RBMXL2: variants seen among roughly 807,000 people sequenced by gnomAD.
RBMXL2 encodes RBMX like 2.
RBMXL2 carries 2 observed loss-of-function variants against 1.0 expected under a neutral mutation model. The ratio of observed to expected loss-of-function variants is 2.05; its 90% CI spans 0.84 to 6.44. The LOEUF is 6.44. Ranked by LOEUF, RBMXL2 falls within the 30% of genes most tolerant of loss-of-function variation. The pLI, the probability that RBMXL2 is intolerant of heterozygous loss-of-function variation, is 0.05. For missense variants in RBMXL2, 658 were observed against 608.5 expected, an observed-to-expected ratio of 1.08 and a Z score of -0.85; for synonymous variants, 313 against 267.9, an observed-to-expected ratio of 1.17 and a Z score of -1.64.
Position 7,089,136 on chromosome 11 carries a change from C to G in RBMXL2, c.16C>G (p.Arg6Gly), listed in dbSNP as rs771361618. MVEADRPGKLFIGGLN... is the reference protein window; with the variant it reads MVEADGPGKLFIGGLN... ...ACCGGCAAACATGGTTGAAGCGGAT[C>G]GCCCGGGGAAGCTGTTCATTGGGGG... The change falls in exon 1 of 1, where the codon CGC (arginine) becomes GGC (glycine). Residue 6 changes from arginine to glycine, a missense_variant. By Grantham distance (125) the Arg-to-Gly change is moderately radical (BLOSUM62 -2). Transcript: ENST00000306904. The G allele has an allele frequency of 6.2e-7, 1 of 1,613,770 alleles. No individual in the cohort carries two copies. Among genetic ancestry groups the G allele is most frequent in the Non-Finnish European group, 8.5e-7 (1 of 1,179,910 alleles).
Position 7,090,822 on chromosome 11 carries a change from G to C in RBMXL2, c.*523G>C, listed in dbSNP as rs1174395650. 6 of 172,254 alleles carry C rather than the reference G, an allele frequency of 3.5e-5. No individual in the cohort carries two copies. Among genetic ancestry groups the C allele is most frequent in the Admixed American group, 1.2e-4 (2 of 16,308 alleles). 10.7% of individuals were successfully genotyped at this position (172,254 alleles called of 1,614,324 possible). On this transcript the variant is annotated 3_prime_UTR_variant, in exon 1 of 1. Transcript: ENST00000306904. Reference sequence around the variant, plus strand: ...ACAACCAGCAACAACAACAACAAAAGTGATTTAGATCAAATGTTTATGTAA... The same window carrying C: ...ACAACCAGCAACAACAACAACAAAACTGATTTAGATCAAATGTTTATGTAA...
Position 7,089,490 on chromosome 11 carries a change from CG to C in RBMXL2, c.374del (p.Gly125AlafsTer24). On this transcript the variant is annotated frameshift_variant, in exon 1 of 1. Transcript: ENST00000306904. LOFTEE classifies it low-confidence loss of function (END_TRUNC). ...GGGGPRRSPS[R>X]GGPDDDGGYT... ...CGGCGGCCCGCGGCGTTCCCCATCC[CG>C]GGGCGGGCCCGATGATGACGGCGGC... The C allele has an allele frequency of 8.1e-7, 1 of 1,239,484 alleles. No individual in the cohort carries two copies. The highest frequency in any genetic ancestry group is 1.0e-6 in the Non-Finnish European group (1 of 988,898). 76.8% of individuals were successfully genotyped at this position (1,239,484 alleles called of 1,614,324 possible). A position where few individuals can be genotyped will look rare whatever the true frequency, so the allele number is the denominator to read the frequency against.
Position 7,089,533 on chromosome 11 carries a change from A to G in RBMXL2, c.413A>G (p.Asp138Gly). 8.3e-7 allele frequency: 1 copy of G among 1,207,088 alleles called. No homozygotes were observed. Among genetic ancestry groups the G allele is most frequent in the Non-Finnish European group, 1.0e-6 (1 of 972,100 alleles). 74.8% of individuals were successfully genotyped at this position (1,207,088 alleles called of 1,614,324 possible). The change falls in exon 1 of 1, where the codon GAC (aspartate) becomes GGC (glycine). Residue 138 changes from aspartate to glycine, a missense_variant. Physicochemically the swap from Asp to Gly is moderately conservative, Grantham distance 94 (BLOSUM62 -1). Coordinates refer to ENST00000306904, the MANE Select transcript of RBMXL2 (RefSeq NM_014469.5). ...GACGGCGGCTACACGGCGGATTTCG[A>G]CCTGCGGCCCTCCAGGGCCCCGATG... is the stretch of plus-strand genomic sequence containing the variant. ...DDDGGYTADF[D>G]LRPSRAPMPM...
Position 7,090,953 on chromosome 11 carries a change from C to T in RBMXL2, c.*654C>T, listed in dbSNP as rs2119495896. 2 of 168,944 alleles carry T rather than the reference C, an allele frequency of 1.2e-5. No homozygotes were observed. Among genetic ancestry groups the T allele is most frequent in the Middle Eastern group, 6.7e-3 (2 of 298 alleles). 10.5% of individuals were successfully genotyped at this position (168,944 alleles called of 1,614,324 possible). A position where few individuals can be genotyped will look rare whatever the true frequency, so the allele number is the denominator to read the frequency against. On this transcript the variant is annotated 3_prime_UTR_variant, in exon 1 of 1. Transcript: ENST00000306904. ...GAATCTACAGGATCACCTGTCCCCT[C>T]ACTCCCAAAAGTACTATCTATGTTT...
Position 7,090,209 on chromosome 11 carries a change from T to C in RBMXL2, c.1089T>C (p.Asp363=). Residue 363 remains aspartate, a synonymous_variant, in exon 1 of 1, where the codon GAT becomes GAC. Coordinates refer to ENST00000306904, the MANE Select transcript of RBMXL2 (RefSeq NM_014469.5). ...AAAGGGGCTGCCCTCCCCAGCGTGA[T>C]TCTTACAGCCGGTCAGGCTGCAGGG... ...SMERGCPPQR[D]SYSRSGCRVP... 6.2e-7 allele frequency: 1 copy of C among 1,612,556 alleles called. No individual in the cohort carries two copies. Among genetic ancestry groups the C allele is most frequent in the Non-Finnish European group, 8.5e-7 (1 of 1,179,488 alleles).
rs2119492562 is a variant in RBMXL2 at position 7,090,036 on chromosome 11, G to A, written c.916G>A (p.Gly306Ser). ...GACACCGCCATCTTACGGAGGAGGA[G>A]GCCGCTACGAGGAGTACCGGGGCTA... is the stretch of plus-strand genomic sequence containing the variant. ...RGTPPSYGGG[G>S]RYEEYRGYSP... The change falls in exon 1 of 1, where the codon GGC becomes AGC. Residue 306 changes from glycine (G) to serine (S), a missense_variant. Transcript: ENST00000306904. The A allele has an allele frequency of 6.2e-7, 1 of 1,613,194 alleles. No homozygotes were observed. The highest frequency in any genetic ancestry group is 8.5e-7 in the Non-Finnish European group (1 of 1,179,912).
In RBMXL2 at chr11:7,089,758, G is replaced by T. The variant is rs1038722710; in HGVS notation, c.638G>T (p.Gly213Val). The T allele has an allele frequency of 5.1e-6, 8 of 1,569,728 alleles. No individual in the cohort carries two copies. The African/African-American group carries it at 1.1e-4, about 21-fold the overall frequency. The change falls in exon 1 of 1, where the codon GGC becomes GTC. Residue 213 changes from glycine to valine, a missense_variant. Physicochemically the swap from Gly to Val is moderately radical, Grantham distance 109 (BLOSUM62 -3). Transcript: ENST00000306904. ...RDPYLGPRDE[G>V]YSSRDGYSSR... ...CCCTACCTGGGCCCGCGGGATGAGGGCTACTCGTCCAGAGACGGCTACTCG... is the reference window on the plus strand; with the variant it reads ...CCCTACCTGGGCCCGCGGGATGAGGTCTACTCGTCCAGAGACGGCTACTCG...
chr11:7,090,633 G>C lies in RBMXL2; in HGVS notation c.*334G>C. 2.7e-6 allele frequency: 1 copy of C among 374,302 alleles called. No individual in the cohort carries two copies. Among genetic ancestry groups the C allele is most frequent in the East Asian group, 6.9e-5 (1 of 14,542 alleles). The allele number at this position is 374,302 out of a possible 1,614,324, so 23.2% of individuals were successfully genotyped here. On this transcript the variant is annotated 3_prime_UTR_variant, in exon 1 of 1. Coordinates refer to ENST00000306904, the MANE Select transcript of RBMXL2 (RefSeq NM_014469.5). ...TGATAAATGAGGCAAACAGTTCTAA[G>C]ATCTTTGATAAACATCTGCTCACCT...
Position 7,090,166 on chromosome 11 carries a change from G to A in RBMXL2, c.1046G>A (p.Gly349Glu). 6.2e-7 allele frequency: 1 copy of A among 1,613,886 alleles called. No homozygotes were observed. Among genetic ancestry groups the A allele is most frequent in the African/African-American group, 1.3e-5 (1 of 75,066 alleles). The change falls in exon 1 of 1, where the codon GGG becomes GAG. Residue 349 changes from glycine to glutamate, a missense_variant. Gly to Glu is a moderately conservative substitution (Grantham distance 98, BLOSUM62 -2). Coordinates refer to ENST00000306904, the MANE Select transcript of RBMXL2 (RefSeq NM_014469.5). ...GRHRVGRPDR[G>E]LSLSMERGCP... is the part of the protein sequence containing the mutation. ...CACCGGGTGGGCAGACCAGATCGTG[G>A]GCTCTCTCTGTCCATGGAAAGGGGC... is the stretch of plus-strand genomic sequence containing the variant.
chr11:7,089,049 G>C lies in RBMXL2; in HGVS notation c.-72G>C. On this transcript the variant is annotated 5_prime_UTR_variant, in exon 1 of 1. Transcript: ENST00000306904. ...CCAGTAGGAGCCGCCCTCGACGAGC[G>C]AGCTCGAAGGCTGCGACTGGCGCCG... 1 of 1,532,820 alleles carries C rather than the reference G, an allele frequency of 6.5e-7. No individual in the cohort carries two copies. The highest frequency in any genetic ancestry group is 8.9e-7 in the Non-Finnish European group (1 of 1,122,438). 95.0% of individuals were successfully genotyped at this position (1,532,820 alleles called of 1,614,324 possible).
At position 7,090,440 on chromosome 11, in the gene RBMXL2, A is replaced by AT. The variant is rs1358403017; in HGVS notation, c.*146dup. The AT allele has an allele frequency of 8.8e-7, 1 of 1,133,736 alleles. No individual in the cohort carries two copies. The allele number at this position is 1,133,736 out of a possible 1,614,324, so 70.2% of individuals were successfully genotyped here. ...AGAATTTCCTGTTAAGATCGTCTCC[A>AT]TTTTTATGCTTTTGGGAGAAAAAAC... On this transcript the variant is annotated 3_prime_UTR_variant, in exon 1 of 1. Coordinates refer to ENST00000306904, the MANE Select transcript of RBMXL2 (RefSeq NM_014469.5).
Position 7,089,918 on chromosome 11 carries a change from C to T in RBMXL2, c.798C>T (p.Arg266=), listed in dbSNP as rs1473265924. The part of the protein sequence containing the change: ...GYSDRDGYGG[R]DRDYGDHLSR... ...GCGACCGAGACGGCTACGGAGGTCG[C>T]GACCGTGACTACGGGGATCATCTGA... is the stretch of plus-strand genomic sequence containing the variant. The change falls in exon 1 of 1, where the codon CGC becomes CGT. Residue 266 remains arginine (R), a synonymous_variant. Transcript: ENST00000306904. The T allele has an allele frequency of 5.0e-6, 8 of 1,612,844 alleles. No individual in the cohort carries two copies. The highest frequency in any genetic ancestry group is 1.7e-5 in the Admixed American group (1 of 59,998).
Position 7,090,590 on chromosome 11 carries a change from T to A in RBMXL2, c.*291T>A, listed in dbSNP as rs1293165845. ...AAGTAGAAATTCGATTAATGGCTTCTTCCCTTGTAAATTTTCTTGATAAAT... is the reference window on the plus strand; with the variant it reads ...AAGTAGAAATTCGATTAATGGCTTCATCCCTTGTAAATTTTCTTGATAAAT... On this transcript the variant is annotated 3_prime_UTR_variant, in exon 1 of 1. Transcript: ENST00000306904. The A allele has an allele frequency of 4.5e-6, 2 of 445,732 alleles. No homozygotes were observed. Among genetic ancestry groups the A allele is most frequent in the East Asian group, 9.7e-5 (2 of 20,526 alleles). The allele number at this position is 445,732 out of a possible 1,614,324, so 27.6% of individuals were successfully genotyped here.
rs1334181264 is a variant in RBMXL2, at chr11:7,089,456, C to A, written c.336C>A (p.Arg112=). The change falls in exon 1 of 1, where the codon CGC becomes CGA. Residue 112 remains arginine, a synonymous_variant. Coordinates refer to ENST00000306904, the MANE Select transcript of RBMXL2 (RefSeq NM_014469.5). ...RGRPRFLRGT[R]GGGGGPRRSP... ...GCCCGAGGTTCCTGCGCGGAACCCG[C>A]GGGGGTGGCGGCGGCCCGCGGCGTT... 4 of 1,334,320 alleles carry A rather than the reference C, an allele frequency of 3.0e-6. No individual in the cohort carries two copies. The highest frequency in any genetic ancestry group is 3.8e-6 in the Non-Finnish European group (4 of 1,043,512). 82.7% of individuals were successfully genotyped at this position (1,334,320 alleles called of 1,614,324 possible).
rs373944375 is a variant in RBMXL2 at position 7,090,115 on chromosome 11, G to C, written c.995G>C (p.Arg332Pro). 1 of 1,612,180 alleles carries C rather than the reference G, an allele frequency of 6.2e-7. No homozygotes were observed. The highest frequency in any genetic ancestry group is 1.3e-5 in the African/African-American group (1 of 74,896). Residue 332 changes from arginine (R) to proline (P), a missense_variant, in exon 1 of 1, where the codon CGG (arginine) becomes CCG (proline). Transcript: ENST00000306904. ...GRDSYSSSYG[R>P]SDRYSRGRHR... The stretch of plus-strand genomic sequence containing the variant: ...GACAGTTACAGCAGCAGTTATGGCC[G>C]GAGCGACCGCTACTCGAGGGGCCGA...
In RBMXL2 at chr11:7,090,597, G is replaced by A. The variant is rs1853115388; in HGVS notation, c.*298G>A. Reference sequence around the variant, plus strand: ...AATTCGATTAATGGCTTCTTCCCTTGTAAATTTTCTTGATAAATGAGGCAA... The same window carrying A: ...AATTCGATTAATGGCTTCTTCCCTTATAAATTTTCTTGATAAATGAGGCAA... On this transcript the variant is annotated 3_prime_UTR_variant, in exon 1 of 1. Coordinates refer to ENST00000306904, the MANE Select transcript of RBMXL2 (RefSeq NM_014469.5). 2 of 430,840 alleles carry A rather than the reference G, an allele frequency of 4.6e-6. No individual in the cohort carries two copies. Among genetic ancestry groups the A allele is most frequent in the African/African-American group, 4.0e-5 (2 of 49,482 alleles). 26.7% of individuals were successfully genotyped at this position (430,840 alleles called of 1,614,324 possible).
At position 7,089,088 on chromosome 11, in the gene RBMXL2, CACCGCCACTGACCGACCGTTCG is replaced by C; in HGVS notation, c.-28_-7del. 5 of 1,602,784 alleles carry C rather than the reference CACCGCCACTGACCGACCGTTCG, an allele frequency of 3.1e-6. No individual in the cohort carries two copies. Among genetic ancestry groups the C allele is most frequent in the Non-Finnish European group, 4.3e-6 (5 of 1,173,604 alleles). ...CGACTGGCGCCGCCTCACCGCCTCCCACCGCCACTGACCGACCGTTCGACCGGCAAACATGGTTGAAGCGGAT... is the reference window on the plus strand; with the variant it reads ...CGACTGGCGCCGCCTCACCGCCTCCCACCGGCAAACATGGTTGAAGCGGAT... On this transcript the variant is annotated 5_prime_UTR_variant, in exon 1 of 1. Coordinates refer to ENST00000306904, the MANE Select transcript of RBMXL2 (RefSeq NM_014469.5).
Position 7,090,251 on chromosome 11 carries a change from C to A in RBMXL2, c.1131C>A (p.Gly377=). Residue 377 remains glycine (G), a synonymous_variant, in exon 1 of 1, where the codon GGC becomes GGA. Coordinates refer to ENST00000306904, the MANE Select transcript of RBMXL2 (RefSeq NM_014469.5). ...GCTGCAGGGTGCCCAGGGGCGGAGGCCGTCTAGGAGGCCGCTTGGAGAGAG... is the reference window on the plus strand; with the variant it reads ...GCTGCAGGGTGCCCAGGGGCGGAGGACGTCTAGGAGGCCGCTTGGAGAGAG... The part of the protein sequence containing the change: ...RSGCRVPRGG[G]RLGGRLERGG... 1 of 1,608,950 alleles carries A rather than the reference C, an allele frequency of 6.2e-7. No individual in the cohort carries two copies.
At position 7,088,998 on chromosome 11, in the gene RBMXL2, G is replaced by A. The variant is rs534901689; in HGVS notation, c.-123G>A. 8.5e-6 allele frequency: 10 copies of A among 1,181,046 alleles called. No individual in the cohort carries two copies. In the South Asian group the frequency reaches 1.3e-4, roughly 15 times the overall value. The allele number at this position is 1,181,046 out of a possible 1,614,324, so 73.2% of individuals were successfully genotyped here. Reference sequence around the variant, plus strand: ...AGCGGGGCTCCGGCTGCGGTTCCGTGGACTCGGCGACTAGGCGCCGCCTGA... The same window carrying A: ...AGCGGGGCTCCGGCTGCGGTTCCGTAGACTCGGCGACTAGGCGCCGCCTGA... On this transcript the variant is annotated 5_prime_UTR_variant, in exon 1 of 1. Transcript: ENST00000306904.
Sources: allele counts gnomAD v4.1 joint callset, GRCh38; gene constraint gnomAD v4.1.1; transcripts MANE v1.5; gene names NCBI Gene and HGNC (gene_info 2026-07-23, HGNC 2026-07-21).